Variants in TNPO1 observed in about 807,000 individuals in gnomAD.
The protein encoded by TNPO1 is transportin 1.
Under a neutral mutation model 119.5 loss-of-function variants are expected in TNPO1, and 8 were observed. That is an observed-to-expected ratio of 0.07 (90% CI 0.04 to 0.12). TNPO1 has a LOEUF of 0.12. TNPO1 is among the 10% of genes least tolerant of loss of function. The probability of loss-of-function intolerance (pLI) is 1.00; values close to 1 mark genes in which losing one functional copy is unlikely to be tolerated. For synonymous variants in TNPO1, 362 were observed against 363.0 expected (o/e 1.00, Z 0.03); for missense variants, 576 against 1,089.8 (o/e 0.53, Z 6.64).
intron 3 of TNPO1, among the ~76,000 whole-genome samples, chr5:72,853,139 G>A (rs1020094398): frequency 2.0e-5 from 3 of 152,138 alleles, no homozygotes; most frequent in African/African-American, 7.2e-5. Flanking sequence ...CAGGCAAGGT[G>A]GCTCTTTCTT....
intron 15 of TNPO1, among the ~76,000 whole-genome samples, chr5:72,892,430 A>G (rs538968490): frequency 2.2e-4 from 33 of 152,254 alleles, no homozygotes; most frequent in Non-Finnish European, 3.4e-4. Flanking sequence ...TGTTATTTCA[A>G]GGTTCACCAT....
At chr5:72,853,571 G>A (rs1351361637) in intron 3 of TNPO1, among the ~76,000 whole-genome samples, 1 of 152,024 alleles carries the variant, frequency 6.6e-6, no homozygotes, top group African/African-American at 2.4e-5. Context: ...ACCCTAAAAT[G>A]TGTTTCTTAT....
At chr5:72,877,192 T>G in intron 8 of TNPO1, 36 bp from the exon 9 acceptor site, 1 of 1,255,794 alleles carries the variant, frequency 8.0e-7, no homozygotes, top group Non-Finnish European at 1.2e-6. Context: ...GGTGTGATTT[T>G]TAAACTGACT....
rs1222963235 is a variant in TNPO1, at chr5:72,910,902, A to T, written c.*2229A>T. Reference sequence around the variant, plus strand: ...GTAGAGCCTGAAATTAAATTATTTTATAGTGCCTGATATTTTTAATATTAT... The same window carrying T: ...GTAGAGCCTGAAATTAAATTATTTTTTAGTGCCTGATATTTTTAATATTAT... On this transcript the variant is annotated 3_prime_UTR_variant, in exon 25 of 25. Transcript: ENST00000337273. The T allele has an allele frequency of 2.0e-5, 3 of 152,034 alleles. No homozygotes were observed. Among genetic ancestry groups the T allele is most frequent in the Non-Finnish European group, 4.4e-5 (3 of 67,956 alleles). The allele number at this position is 152,034 out of a possible 1,614,324, so 9.4% of individuals were successfully genotyped here. A position where few individuals can be genotyped will look rare whatever the true frequency, so the allele number is the denominator to read the frequency against.
chr5:72,914,117 A>G lies in TNPO1; in HGVS notation c.*5444A>G, dbSNP rs1036426426. Reference sequence around the variant, plus strand: ...ATGTTAGAATGTGTCCTTCAAACATATCCTCCTGCAACTTCTCAAACTGTA... The same window carrying G: ...ATGTTAGAATGTGTCCTTCAAACATGTCCTCCTGCAACTTCTCAAACTGTA... On this transcript the variant is annotated 3_prime_UTR_variant, in exon 25 of 25. Coordinates refer to ENST00000337273, the MANE Select transcript of TNPO1 (RefSeq NM_002270.4). 5 of 152,628 alleles carry G rather than the reference A, an allele frequency of 3.3e-5. No homozygotes were observed. Among genetic ancestry groups the G allele is most frequent in the Admixed American group, 6.5e-5 (1 of 15,288 alleles). 9.5% of individuals were successfully genotyped at this position (152,628 alleles called of 1,614,324 possible). A position where few individuals can be genotyped will look rare whatever the true frequency, so the allele number is the denominator to read the frequency against.
chr5:72,889,509 A>G (rs1023980936), intron 13 of TNPO1, among the ~76,000 whole-genome samples: 2 of 152,098 alleles, frequency 1.3e-5, no homozygotes, highest in African/African-American at 4.8e-5. Context: ...TGTTAAGCAT[A>G]TACTAAATGC....
intron 9 of TNPO1, 132 bp downstream of exon 9, chr5:72,877,478 T>C: frequency 4.0e-6 from 2 of 498,716 alleles, no homozygotes; most frequent in Non-Finnish European, 3.5e-6. Context: ...CTTAATTTTA[T>C]TGTTGGTAAA....
intron 2 of TNPO1, among the ~76,000 whole-genome samples, chr5:72,849,163 A>G (rs1745354308): frequency 6.6e-6 from 1 of 152,074 alleles, no homozygotes; most frequent in Non-Finnish European, 1.5e-5. Context: ...TTTCTTTTTA[A>G]AGCTTTGGCT....
At chr5:72,853,215 C>T (rs1365294412) in intron 3 of TNPO1, among the ~76,000 whole-genome samples, 1 of 152,134 alleles carries the variant, frequency 6.6e-6, no homozygotes, top group African/African-American at 2.4e-5. Flanking sequence ...CTTTGAGAGG[C>T]CAAAGCAGGA....
At chr5:72,842,632 G>T (rs1254990430) in intron 1 of TNPO1, among the ~76,000 whole-genome samples, 2 of 152,166 alleles carry the variant, frequency 1.3e-5, no homozygotes, top group Non-Finnish European at 2.9e-5. Context: ...TTTATATGCA[G>T]ATTGGACAGT....
At chr5:72,877,112 A>G in intron 8 of TNPO1, 116 bp from the exon 9 acceptor site, 1 of 516,736 alleles carries the variant, frequency 1.9e-6, no homozygotes, top group Admixed American at 3.4e-5. Context: ...AAAAAAAAAA[A>G]AAAAATTGCC....
At chr5:72,857,304 G>GA (rs1746076644) in intron 4 of TNPO1, among the ~76,000 whole-genome samples, 1 of 145,858 alleles carries the variant, frequency 6.9e-6, no homozygotes, top group Admixed American at 6.8e-5. Flanking sequence ...GGTGACGAGC[G>GA]AAAATCTGTC....
intron 15 of TNPO1, among the ~76,000 whole-genome samples, chr5:72,892,672 C>T (rs749457966): frequency 1.3e-5 from 2 of 152,086 alleles, no homozygotes; most frequent in Admixed American, 6.5e-5. Flanking sequence ...GCACCTCCTC[C>T]CAATATACTT....
intron 2 of TNPO1, among the ~76,000 whole-genome samples, chr5:72,848,839 C>T (rs1488690570): frequency 6.6e-6 from 1 of 150,402 alleles, no homozygotes; most frequent in African/African-American, 2.4e-5. Flanking sequence ...CGCTGACCTG[C>T]CGCGGGGGTA....
intron 3 of TNPO1, among the ~76,000 whole-genome samples, chr5:72,853,412 G>A (rs1745740180): frequency 6.6e-6 from 1 of 152,330 alleles, no homozygotes; most frequent in South Asian, 2.1e-4. Flanking sequence ...CTGCACTCCA[G>A]TGTACTTAAG....
rs749319069 is a variant in TNPO1, at chr5:72,877,212, G to T, written c.802-16G>T. 3 of 1,392,316 alleles carry T rather than the reference G, an allele frequency of 2.2e-6. No homozygotes were observed. Among genetic ancestry groups the T allele is most frequent in the Non-Finnish European group, 2.0e-6 (2 of 983,018 alleles). The allele number at this position is 1,392,316 out of a possible 1,614,324, so 86.2% of individuals were successfully genotyped here. A position where few individuals can be genotyped will look rare whatever the true frequency, so the allele number is the denominator to read the frequency against. ...GATTTTTAAACTGACTAATATTAAG[G>T]ATATTGTGTTTCCAGTACATGCTAC... On this transcript the variant is annotated splice_polypyrimidine_tract_variant and intron_variant, in intron 8 of 24. Transcript: ENST00000337273.
intron 6 of TNPO1, among the ~76,000 whole-genome samples, chr5:72,868,207 C>T (rs996087767): frequency 1.3e-5 from 2 of 151,536 alleles, no homozygotes; most frequent in Admixed American, 6.6e-5. Flanking sequence ...CCGAGGCAGG[C>T]GGATCACGAG....
chr5:72,853,151 G>C (rs1361210073), intron 3 of TNPO1, among the ~76,000 whole-genome samples: 1 of 151,992 alleles, frequency 6.6e-6, no homozygotes, highest in East Asian at 1.9e-4. Context: ...CTCTTTCTTG[G>C]GATATAAGGA....
intron 1 of TNPO1, among the ~76,000 whole-genome samples, chr5:72,828,386 T>A (rs1163627300): frequency 6.6e-6 from 1 of 152,186 alleles, no homozygotes; most frequent in Non-Finnish European, 1.5e-5. Flanking sequence ...TTAAAGATAT[T>A]ATTTTAAATT....
Sources: allele counts gnomAD v4.1 joint callset (sites outside exome capture counted in the v4.1 genomes callset), GRCh38; gene constraint gnomAD v4.1.1; transcripts MANE v1.5; gene names NCBI Gene and HGNC (gene_info 2026-07-23, HGNC 2026-07-21).